The following LRP1 variants were observed in gnomAD, a reference collection of about 807,000 sequenced individuals.
LRP1 encodes the protein prolow-density lipoprotein receptor-related protein 1.
Under a neutral mutation model 541.5 loss-of-function variants are expected in LRP1, and 51 were observed. That is an observed-to-expected ratio of 0.09 (90% CI 0.08 to 0.12). The LOEUF (loss-of-function observed/expected upper bound fraction) is 0.12. LRP1 is among the 10% of genes least tolerant of loss of function. LRP1 has a pLI of 1.00. For synonymous variants in LRP1, 2,219 were observed against 2,470.8 expected, an observed-to-expected ratio of 0.90 and a Z score of 3.02; for missense variants, 3,878 against 6,376.2, an observed-to-expected ratio of 0.61 and a Z score of 13.34.
In LRP1 at chr12:57,209,117, C is replaced by T. The variant is rs754119579; in HGVS notation, c.12180C>T (p.Tyr4060=). 3.1e-6 allele frequency: 5 copies of T among 1,614,020 alleles called. No homozygotes were observed. Among genetic ancestry groups the T allele is most frequent in the Non-Finnish European group, 2.5e-6 (3 of 1,179,984 alleles). The change falls in exon 79 of 89, where the codon TAC becomes TAT. Residue 4060 remains tyrosine (Y), a synonymous_variant. Coordinates refer to ENST00000243077, the MANE Select transcript of LRP1 (RefSeq NM_002332.3). ...TGGATTATCACAATGAGCGGCTGTA[C>T]TGGGCAGACGCCAAGCTTTCAGTCA... ...LAVDYHNERL[Y]WADAKLSVIG...
chr12:57,145,003 C>T lies in LRP1; in HGVS notation c.480C>T (p.Cys160=). Residue 160 remains cysteine (C), a synonymous_variant, in exon 5 of 89, where the codon TGC becomes TGT. Coordinates refer to ENST00000243077, the MANE Select transcript of LRP1 (RefSeq NM_002332.3). ...ATGAGTGCTCAGTGTACGGCACCTG[C>T]AGCCAGCTATGCACCAACACAGACG... is the stretch of plus-strand genomic sequence containing the variant. ...DFDECSVYGT[C]SQLCTNTDGS... is the part of the protein sequence containing the mutation. 6.2e-7 allele frequency: 1 copy of T among 1,614,118 alleles called. No individual in the cohort carries two copies. Among genetic ancestry groups the T allele is most frequent in the Non-Finnish European group, 8.5e-7 (1 of 1,180,036 alleles).
chr12:57,205,881 G>A lies in LRP1; in HGVS notation c.11590+204G>A, dbSNP rs1339171392. 4.3e-6 allele frequency: 3 copies of A among 704,144 alleles called. No homozygotes were observed. The African/African-American group carries it at 5.4e-5, about 13-fold the overall frequency. The allele number at this position is 704,144 out of a possible 1,614,324, so 43.6% of individuals were successfully genotyped here. On this transcript the variant is annotated intron_variant, in intron 75 of 88. Transcript: ENST00000243077. The surrounding 1 kb of genome is among the most constrained non-coding windows in gnomAD (Gnocchi z 4.6). ...GGCTGGCTGACTGAAGGAGTCTGGGGTGTGGCAGTGCTCTGAATTGCACAC... is the reference window on the plus strand; with the variant it reads ...GGCTGGCTGACTGAAGGAGTCTGGGATGTGGCAGTGCTCTGAATTGCACAC...
At position 57,205,922 on chromosome 12, in the gene LRP1, C is replaced by T. The variant is rs34154660; in HGVS notation, c.11590+245C>T. ...AATTGCACACACACCTCCTCACCCACCACTGCCAGGACGAGAGTACACTCA... is the reference window on the plus strand; with the variant it reads ...AATTGCACACACACCTCCTCACCCATCACTGCCAGGACGAGAGTACACTCA... On this transcript the variant is annotated intron_variant, in intron 75 of 88. Coordinates refer to ENST00000243077, the MANE Select transcript of LRP1 (RefSeq NM_002332.3). The surrounding 1 kb of genome is among the most constrained non-coding windows in gnomAD (Gnocchi z 4.6). The T allele has an allele frequency of 8.2e-4, 482 of 584,764 alleles. 1 individual carries two copies. The African/African-American group carries it at 8.3e-3, about 10-fold the overall frequency. The allele number at this position is 584,764 out of a possible 1,614,324, so 36.2% of individuals were successfully genotyped here.
Position 57,173,881 on chromosome 12 carries a change from C to G in LRP1, c.3448C>G (p.His1150Asp). 6.2e-7 allele frequency: 1 copy of G among 1,614,252 alleles called. No individual in the cohort carries two copies. Among genetic ancestry groups the G allele is most frequent in the African/African-American group, 1.3e-5 (1 of 75,078 alleles). The stretch of plus-strand genomic sequence containing the variant: ...GTCCCTGGCCTGCAGGCCACCCTCG[C>G]ACCCTTGTGCCAACAACACCTCAGT... Reference protein sequence around the residue: ...CESLACRPPSHPCANNTSVCL... With the variant: ...CESLACRPPSDPCANNTSVCL... Residue 1150 changes from histidine (H) to aspartate (D), a missense_variant, in exon 22 of 89, where the codon CAC becomes GAC. By Grantham distance (81) the His-to-Asp change is moderately conservative. This residue lies in a region of LRP1 where 320 missense variants were observed against 547.9 expected (regional missense o/e 0.58). Coordinates refer to ENST00000243077, the MANE Select transcript of LRP1 (RefSeq NM_002332.3). The surrounding 1 kb of genome is among the most constrained non-coding windows in gnomAD (Gnocchi z 4.7).
chr12:57,179,189 G>A lies in LRP1; in HGVS notation c.4739-140G>A. On this transcript the variant is annotated intron_variant, in intron 28 of 88. Transcript: ENST00000243077. The surrounding 1 kb of genome is among the most constrained non-coding windows in gnomAD (Gnocchi z 6.8). ...AAGGGGCTGCAGGTCTGCCAGGGGG[G>A]CTGCACCCAGCGGGGTATGTCCACG... 8.5e-7 allele frequency: 1 copy of A among 1,172,368 alleles called. No homozygotes were observed. The highest frequency in any genetic ancestry group is 2.5e-5 in the East Asian group (1 of 39,222). The allele number at this position is 1,172,368 out of a possible 1,614,324, so 72.6% of individuals were successfully genotyped here.
intron 20 of LRP1, among the ~76,000 whole-genome samples, chr12:57,171,969 CG>C (rs2035951407): frequency 6.6e-6 from 1 of 152,108 alleles, no homozygotes; most frequent in Non-Finnish European, 1.5e-5. Context: ...CCCCTCTGCA[CG>C]GCCTGCAGGG....
rs112616803 is a variant in LRP1, at chr12:57,208,355, T to C, written c.12038+139T>C. On this transcript the variant is annotated intron_variant, in intron 77 of 88. Transcript: ENST00000243077. ...GAGTCCTTTTCAGTCCCTTGGGTCTTCTCGGCCACCCCTGCCTGGCCCTCC... is the reference window on the plus strand; with the variant it reads ...GAGTCCTTTTCAGTCCCTTGGGTCTCCTCGGCCACCCCTGCCTGGCCCTCC... The C allele has an allele frequency of 4.1e-4, 379 of 922,156 alleles. No individual in the cohort carries two copies. The African/African-American group carries it at 5.5e-3, about 13-fold the overall frequency. 57.1% of individuals were successfully genotyped at this position (922,156 alleles called of 1,614,324 possible).
intron 20 of LRP1, among the ~76,000 whole-genome samples, chr12:57,172,718 T>C (rs918095955): frequency 6.6e-6 from 1 of 152,162 alleles, no homozygotes; most frequent in Non-Finnish European, 1.5e-5. Flanking sequence ...AATTACAGTC[T>C]AGATTTATGG....
Position 57,180,350 on chromosome 12 carries a change from G to A in LRP1, c.5257G>A (p.Glu1753Lys). ...TCCAGGCCTGGCTATTGACTTCCCT[G>A]AAAGCAAACTCTACTGGATCAGCTC... ...GPVGLAIDFPESKLYWISSGN... is the reference protein window; with the variant it reads ...GPVGLAIDFPKSKLYWISSGN... Residue 1753 changes from glutamate (E) to lysine (K), a missense_variant, in exon 32 of 89, where the codon GAA becomes AAA. Glu to Lys is a moderately conservative substitution (Grantham distance 56). Transcript: ENST00000243077. 1 of 1,614,082 alleles carries A rather than the reference G, an allele frequency of 6.2e-7. No homozygotes were observed.
At position 57,167,022 on chromosome 12, in the gene LRP1, C is replaced by T. The variant is rs1464724324; in HGVS notation, c.2890C>T (p.Arg964Cys). 1.2e-6 allele frequency: 2 copies of T among 1,614,032 alleles called. No individual in the cohort carries two copies. The highest frequency in any genetic ancestry group is 1.1e-5 in the South Asian group (1 of 91,064). ...TCDLDDDCGD[R>C]SDESASCAYP... ...TGATCTGGATGACGACTGTGGGGACCGCTCTGATGAGTCTGCTTCGTGTGG... is the reference window on the plus strand; with the variant it reads ...TGATCTGGATGACGACTGTGGGGACTGCTCTGATGAGTCTGCTTCGTGTGG... Residue 964 changes from arginine to cysteine, a missense_variant, in exon 18 of 89, where the codon CGC becomes TGC. Arg to Cys is a radical substitution (Grantham distance 180). Transcript: ENST00000243077.
intron 22 of LRP1, among the ~76,000 whole-genome samples, chr12:57,174,268 T>C (rs1015582708): frequency 3.9e-5 from 6 of 152,152 alleles, no homozygotes; most frequent in Non-Finnish European, 7.4e-5. Context: ...AGGGGTTCCA[T>C]AGTGGTCCCC....
chr12:57,196,256 G>A lies in LRP1; in HGVS notation c.8871G>A (p.Glu2957=). The change falls in exon 55 of 89, where the codon GAG becomes GAA. Residue 2957 remains glutamate (E), a synonymous_variant. Transcript: ENST00000243077. ...RKLSGCSQDC[E]DLKIGFKCRC... is the part of the protein sequence containing the mutation. ...TCAGTGGCTGCAGCCAGGACTGTGA[G>A]GACCTCAAGATCGGCTTCAAGGTAT... 2 of 1,598,758 alleles carry A rather than the reference G, an allele frequency of 1.3e-6. No homozygotes were observed. Among genetic ancestry groups the A allele is most frequent in the Non-Finnish European group, 1.7e-6 (2 of 1,169,732 alleles).
chr12:57,144,252 A>G (rs889117458), intron 4 of LRP1, among the ~76,000 whole-genome samples: 2 of 152,086 alleles, frequency 1.3e-5, no homozygotes, highest in African/African-American at 4.8e-5. Context: ...ACAATAGTAT[A>G]CTGTGTATAT....
At position 57,169,504 on chromosome 12, in the gene LRP1, G is replaced by A. The variant is rs35265543; in HGVS notation, c.3163+197G>A. On this transcript the variant is annotated intron_variant, in intron 20 of 88. Coordinates refer to ENST00000243077, the MANE Select transcript of LRP1 (RefSeq NM_002332.3). The stretch of plus-strand genomic sequence containing the variant: ...GGTTGCCGAAAAATCATTGCCACAC[G>A]CTGTTAATATCATGCGCTTTGCAGT... 9.1e-3 allele frequency among the ~76,000 whole-genome samples: 1,385 copies of A among 152,278 alleles called. 12 individuals carry two copies. Among genetic ancestry groups the A allele is most frequent in the African/African-American group, 0.032 (1,335 of 41,542 alleles).
In LRP1 at chr12:57,173,035, G is replaced by A; in HGVS notation, c.3164-133G>A. The A allele has an allele frequency of 1.5e-6, 1 of 674,356 alleles. No individual in the cohort carries two copies. The highest frequency in any genetic ancestry group is 2.4e-6 in the Non-Finnish European group (1 of 409,510). 41.8% of individuals were successfully genotyped at this position (674,356 alleles called of 1,614,324 possible). Reference sequence around the variant, plus strand: ...GGTGCTTCCAAGGAGTGTCAGCAAAGCTTGGCAGACTCTCCAGGCCTGCCT... The same window carrying A: ...GGTGCTTCCAAGGAGTGTCAGCAAAACTTGGCAGACTCTCCAGGCCTGCCT... On this transcript the variant is annotated intron_variant, in intron 20 of 88. Transcript: ENST00000243077. This position sits in a 1 kb window ranked among gnomAD's most constrained non-coding sequence, Gnocchi z 4.7.
chr12:57,204,563 G>C lies in LRP1; in HGVS notation c.11071+34G>C. ...TGGGGCGGGGCTCCCAGGCTTCCCA[G>C]TGGCCAGCAACCACCCCCACTCCCA... On this transcript the variant is annotated intron_variant, in intron 71 of 88. Transcript: ENST00000243077. The surrounding 1 kb of genome is among the most constrained non-coding windows in gnomAD (Gnocchi z 5.3). The C allele has an allele frequency of 6.2e-7, 1 of 1,607,766 alleles. No individual in the cohort carries two copies.
rs1448798345 is a variant in LRP1, at chr12:57,178,950, A to G, written c.4667A>G (p.Asn1556Ser). ...QGPCSHLCLI[N>S]YNRTVSCACP... ...CCCTGCTCCCACCTGTGTCTCATCA[A>G]CTACAACCGGACCGTGTCCTGCGCC... is the stretch of plus-strand genomic sequence containing the variant. The change falls in exon 28 of 89, where the codon AAC becomes AGC. Residue 1556 changes from asparagine to serine, a missense_variant. This residue lies in a region of LRP1 where 394 missense variants were observed against 635.9 expected (regional missense o/e 0.62). Coordinates refer to ENST00000243077, the MANE Select transcript of LRP1 (RefSeq NM_002332.3). The surrounding 1 kb of genome is among the most constrained non-coding windows in gnomAD (Gnocchi z 5.8). 2.5e-6 allele frequency: 4 copies of G among 1,614,076 alleles called. No individual in the cohort carries two copies. Among genetic ancestry groups the G allele is most frequent in the Non-Finnish European group, 2.5e-6 (3 of 1,179,990 alleles).
In LRP1 at chr12:57,212,742, C is replaced by A; in HGVS notation, c.*187C>A. On this transcript the variant is annotated 3_prime_UTR_variant, in exon 89 of 89. Coordinates refer to ENST00000243077, the MANE Select transcript of LRP1 (RefSeq NM_002332.3). This position sits in a 1 kb window ranked among gnomAD's most constrained non-coding sequence, Gnocchi z 5.0. ...GAGCACAGTATTATTTCTCCATCCC[C>A]TCCCTGCCTGCTCCTTGGCACCCCC... The A allele has an allele frequency of 1.6e-6, 1 of 632,604 alleles. No individual in the cohort carries two copies. The allele number at this position is 632,604 out of a possible 1,614,324, so 39.2% of individuals were successfully genotyped here.
Position 57,173,112 on chromosome 12 carries a change from G to C in LRP1, c.3164-56G>C, listed in dbSNP as rs1379581067. The C allele has an allele frequency of 6.8e-7, 1 of 1,460,238 alleles. No individual in the cohort carries two copies. The highest frequency in any genetic ancestry group is 1.4e-5 in the African/African-American group (1 of 72,044). 90.5% of individuals were successfully genotyped at this position (1,460,238 alleles called of 1,614,324 possible). A position where few individuals can be genotyped will look rare whatever the true frequency, so the allele number is the denominator to read the frequency against. On this transcript the variant is annotated intron_variant, in intron 20 of 88. Transcript: ENST00000243077. This position sits in a 1 kb window ranked among gnomAD's most constrained non-coding sequence, Gnocchi z 4.7. ...CCGGGGTGGCAGGGCACAGGGATGA[G>C]GAGGGCTGACCTGGGCAACCCCTCC...
Sources: allele counts gnomAD v4.1 joint callset (sites outside exome capture counted in the v4.1 genomes callset), GRCh38; gene constraint gnomAD v4.1.1; regional missense constraint gnomAD v4.1.1; non-coding constraint Gnocchi (gnomAD v3.1); transcripts MANE v1.5; gene names NCBI Gene and HGNC (gene_info 2026-07-23, HGNC 2026-07-21).